The following PPARGC1A variants were observed in gnomAD, a reference collection of about 807,000 sequenced individuals.
PPARGC1A encodes peroxisome proliferator-activated receptor gamma coactivator 1-alpha.
A neutral mutation model predicts 88.7 loss-of-function variants in PPARGC1A; 25 were observed. That is an observed-to-expected ratio of 0.28 (90% confidence interval 0.21 to 0.39). The LOEUF is 0.39. Among genes scored for constraint, PPARGC1A ranks in the 10% least tolerant of loss-of-function variants. The pLI is 1.00. For synonymous variants in PPARGC1A, 363 were observed against 355.6 expected, an observed-to-expected ratio of 1.02 and a Z score of -0.24; for missense variants, 880 against 968.7, an observed-to-expected ratio of 0.91 and a Z score of 1.22.
chr4:23,824,236 T>A, intron 7 of PPARGC1A, 44 bp downstream of exon 7: 1 of 1,510,664 alleles, frequency 6.6e-7, no homozygotes, highest in Non-Finnish European at 9.2e-7. Context: ...CACACACATA[T>A]ACAGACAGAC....
chr4:24,112,647 A>C, the PPARGC1A span, among the ~76,000 whole-genome samples: 1 of 152,196 alleles, frequency 6.6e-6, no homozygotes, highest in African/African-American at 2.4e-5. Context: ...ATCACTGTTA[A>C]TGTGGTTGAT....
At chr4:23,923,150 C>T in the PPARGC1A span, among the ~76,000 whole-genome samples, 15 of 144,480 alleles carry the variant, frequency 1.0e-4, no homozygotes, top group Admixed American at 7.9e-4. Flanking sequence ...TTTGGTGAAA[C>T]GATATTAGGG....
At chr4:24,148,667 T>C in the PPARGC1A span, among the ~76,000 whole-genome samples, 1 of 152,214 alleles carries the variant, frequency 6.6e-6, no homozygotes, top group Non-Finnish European at 1.5e-5. Flanking sequence ...TGAGATCTCC[T>C]GGGTAGGTTC....
the PPARGC1A span, among the ~76,000 whole-genome samples, chr4:24,194,659 CACACACACA>C: frequency 5.2e-5 from 1 of 19,360 alleles, no homozygotes; most frequent in African/African-American, 1.0e-4. Flanking sequence ...CACACACACA[CACACACACA>C]CCCCCATCAA....
At chr4:24,335,570 G>A in the PPARGC1A span, among the ~76,000 whole-genome samples, 20 of 152,184 alleles carry the variant, frequency 1.3e-4, no homozygotes, top group Non-Finnish European at 2.8e-4. Context: ...GTAGAAAAAA[G>A]TGATACCTCA....
the PPARGC1A span, among the ~76,000 whole-genome samples, chr4:24,270,648 T>C: frequency 6.6e-6 from 1 of 152,168 alleles, no homozygotes; most frequent in African/African-American, 2.4e-5. Context: ...AGGAAAGTTG[T>C]GTAACTTATG....
At chr4:24,129,395 T>C in the PPARGC1A span, among the ~76,000 whole-genome samples, 1 of 152,206 alleles carries the variant, frequency 6.6e-6, no homozygotes, top group Non-Finnish European at 1.5e-5. Flanking sequence ...CTACATGTTG[T>C]CACCTAGCAA....
the PPARGC1A span, among the ~76,000 whole-genome samples, chr4:23,924,839 T>G: frequency 2.0e-5 from 3 of 152,120 alleles, no homozygotes; most frequent in Admixed American, 2.0e-4. Context: ...CAGTTTTTAT[T>G]TCTCTCCTGC....
intron 2 of PPARGC1A, chr4:23,877,752 G>C (rs1021134559): frequency 1.6e-4 from 25 of 152,224 alleles, no homozygotes; most frequent in Admixed American, 6.5e-4. Flanking sequence ...AATGGTGGAG[G>C]AACAATTTGG....
the PPARGC1A span, among the ~76,000 whole-genome samples, chr4:24,442,378 G>C: frequency 3.9e-5 from 6 of 152,132 alleles, no homozygotes; most frequent in African/African-American, 1.4e-4. Flanking sequence ...TTCATTTAAA[G>C]AGGCAATTTA....
chr4:24,413,601 C>T, the PPARGC1A span, among the ~76,000 whole-genome samples: 57 of 152,250 alleles, frequency 3.7e-4, no homozygotes, highest in African/African-American at 1.3e-3. Flanking sequence ...TATTTTAACC[C>T]AGATCCTTGT....
chr4:23,979,577 C>G, the PPARGC1A span, among the ~76,000 whole-genome samples: 1 of 152,152 alleles, frequency 6.6e-6, no homozygotes, highest in Non-Finnish European at 1.5e-5. Context: ...CCATTACTTG[C>G]TTCTCCTATC....
rs962003469 is a variant in PPARGC1A, at chr4:23,815,661, G to T, written c.878-1056C>A. On this transcript the variant is annotated intron_variant, in intron 7 of 12. Transcript: ENST00000264867. ...TCCCCCAAGTAAGCCCTACTCATCC[G>T]TTTGTGCCGAGGAAGAACCATTGTC... is the stretch of plus-strand genomic sequence containing the variant. 2.0e-5 allele frequency among the ~76,000 whole-genome samples: 3 copies of T among 151,822 alleles called. No individual in the cohort carries two copies. In the South Asian group the frequency reaches 6.2e-4, roughly 31 times the overall value.
At chr4:24,190,741 T>C in the PPARGC1A span, among the ~76,000 whole-genome samples, 2 of 152,150 alleles carry the variant, frequency 1.3e-5, no homozygotes, top group Admixed American at 6.5e-5. Flanking sequence ...CTTCACAGCC[T>C]GGGCATTTTC....
chr4:24,070,167 T>C, the PPARGC1A span, among the ~76,000 whole-genome samples: 1 of 152,062 alleles, frequency 6.6e-6, no homozygotes, highest in South Asian at 2.1e-4. Context: ...TAAATGCAAA[T>C]GAGGGGCATC....
the PPARGC1A span, among the ~76,000 whole-genome samples, chr4:24,192,295 T>A: frequency 6.6e-6 from 1 of 152,130 alleles, no homozygotes; most frequent in Non-Finnish European, 1.5e-5. Flanking sequence ...ATTGTAACAA[T>A]CCCTTTCTCA....
At chr4:23,845,678 T>A (rs1728188531) in intron 2 of PPARGC1A, among the ~76,000 whole-genome samples, 1 of 152,158 alleles carries the variant, frequency 6.6e-6, no homozygotes, top group Non-Finnish European at 1.5e-5. Flanking sequence ...GGTCTTTGAC[T>A]CCTTGACTAA....
At position 23,801,734 on chromosome 4, in the gene PPARGC1A, G is replaced by C; in HGVS notation, c.2289C>G (p.Asp763Glu). 4 of 1,613,892 alleles carry C rather than the reference G, an allele frequency of 2.5e-6. No homozygotes were observed. Among genetic ancestry groups the C allele is most frequent in the Non-Finnish European group, 3.4e-6 (4 of 1,179,916 alleles). ...CACGTACAATAAAATCCATACCTAG[G>C]TCTGCATAGTTAGACTTGAAAAATT... ...RKQFFKSNYA[D>E]LDSNSDDFDP... Residue 763 changes from aspartate to glutamate, a missense_variant, in exon 12 of 13, where the codon GAC becomes GAG. Coordinates refer to ENST00000264867, the MANE Select transcript of PPARGC1A (RefSeq NM_013261.5).
the PPARGC1A span, among the ~76,000 whole-genome samples, chr4:24,204,522 G>C: frequency 4.6e-5 from 7 of 152,014 alleles, no homozygotes; most frequent in African/African-American, 1.7e-4. Context: ...GGAGGGCAGG[G>C]GAAGGGAAGG....
Sources: allele counts gnomAD v4.1 joint callset (sites outside exome capture counted in the v4.1 genomes callset), GRCh38; gene constraint gnomAD v4.1.1; transcripts MANE v1.5; gene names NCBI Gene and HGNC (gene_info 2026-07-23, HGNC 2026-07-21).